NCKAP5: variants seen among roughly 807,000 people sequenced by gnomAD.
The protein encoded by NCKAP5 is nck-associated protein 5.
A neutral mutation model predicts 167.0 loss-of-function variants in NCKAP5; 92 were observed. The observed-to-expected ratio is 0.55, with a 90% CI of 0.47 to 0.66. The LOEUF (loss-of-function observed/expected upper bound fraction) is 0.66, where lower values mean the gene tolerates loss of function less well. Among genes scored for constraint, NCKAP5 ranks in the 30% least tolerant of loss-of-function variants. The pLI, the probability that NCKAP5 is intolerant of heterozygous loss-of-function variation, is 0.00. For synonymous variants in NCKAP5, 891 were observed against 877.4 expected, an observed-to-expected ratio of 1.02 and a Z score of -0.27; for missense variants, 2,378 against 2,315.0, an observed-to-expected ratio of 1.03 and a Z score of -0.56.
the NCKAP5 span, among the ~76,000 whole-genome samples, chr2:133,654,372 T>C: frequency 0.29 from 39,295 of 137,216 alleles, 8,142 homozygotes; most frequent in African/African-American, 0.58. Context: ...AGCGAGACTC[T>C]ATCTCAAATA....
chr2:132,772,342 T>C (rs1190669924), intron 16 of NCKAP5, among the ~76,000 whole-genome samples: 2 of 152,224 alleles, frequency 1.3e-5, no homozygotes, highest in Non-Finnish European at 2.9e-5. Context: ...TTTAATTTTA[T>C]CTTGCTTCAT....
intron 5 of NCKAP5, among the ~76,000 whole-genome samples, chr2:133,188,950 G>A (rs1156589171): frequency 6.6e-6 from 1 of 151,968 alleles, no homozygotes; most frequent in Non-Finnish European, 1.5e-5. Context: ...AGAACTGAAG[G>A]AGATAGAGAC....
intron 19 of NCKAP5, 52 bp downstream of exon 19, chr2:132,725,575 C>T (rs1049141649): frequency 9.6e-6 from 15 of 1,557,410 alleles, no homozygotes; most frequent in African/African-American, 4.1e-5. Context: ...GTATAATCAG[C>T]GGCTTCCCAG....
chr2:132,898,119 T>C (rs1574560458), intron 8 of NCKAP5, among the ~76,000 whole-genome samples: 1 of 152,376 alleles, frequency 6.6e-6, no homozygotes, highest in East Asian at 1.9e-4. Context: ...CAATGCTTTA[T>C]CAACTAAGTT....
Position 133,417,795 on chromosome 2 carries a change from T to C in NCKAP5, c.69+99663A>G, listed in dbSNP as rs147764153. 2.5e-3 allele frequency among the ~76,000 whole-genome samples: 388 copies of C among 152,216 alleles called. 1 individual carries two copies. The highest frequency in any genetic ancestry group is 8.9e-3 in the African/African-American group (369 of 41,520). On this transcript the variant is annotated intron_variant, in intron 3 of 19. Transcript: ENST00000409261. The stretch of plus-strand genomic sequence containing the variant: ...GAGGTGGGGTGGGTCAAGTAGGCCA[T>C]AATGGTGAAAAAGCTATTATGTCGT...
intron 6 of NCKAP5, among the ~76,000 whole-genome samples, chr2:133,089,645 A>G (rs2081107865): frequency 6.6e-6 from 1 of 152,228 alleles, no homozygotes; most frequent in Admixed American, 6.5e-5. Context: ...ACTATGGAAA[A>G]CATATCTTGT....
chr2:133,292,514 A>C (rs572765182), intron 4 of NCKAP5, among the ~76,000 whole-genome samples: 130 of 152,340 alleles, frequency 8.5e-4, no homozygotes, highest in African/African-American at 3.0e-3. Flanking sequence ...ATTTCAGATA[A>C]ATAAATCACA....
chr2:133,288,495 C>T (rs1679326893), intron 4 of NCKAP5, among the ~76,000 whole-genome samples: 1 of 152,080 alleles, frequency 6.6e-6, no homozygotes, highest in Non-Finnish European at 1.5e-5. Context: ...GAGACAGCGT[C>T]AGACAATGCA....
chr2:133,242,256 TTTC>T (rs1298925836), intron 4 of NCKAP5, among the ~76,000 whole-genome samples: 5 of 144,910 alleles, frequency 3.5e-5, no homozygotes, highest in Admixed American at 2.0e-4. Flanking sequence ...TTTCTTTTCT[TTTC>T]TTTTTTTTTT....
intron 11 of NCKAP5, among the ~76,000 whole-genome samples, chr2:132,836,748 C>G (rs956914979): frequency 6.6e-6 from 1 of 152,098 alleles, no homozygotes; most frequent in Non-Finnish European, 1.5e-5. Flanking sequence ...TTATGCCATA[C>G]TATAAAGCTT....
chr2:133,452,151 G>T (rs1467996361), intron 3 of NCKAP5, among the ~76,000 whole-genome samples: 2 of 152,176 alleles, frequency 1.3e-5, no homozygotes, highest in Non-Finnish European at 2.9e-5. Flanking sequence ...AAATAATAAT[G>T]CTTGGCCCCA....
intron 3 of NCKAP5, among the ~76,000 whole-genome samples, chr2:133,385,983 T>C (rs1187917352): frequency 6.6e-6 from 1 of 152,204 alleles, no homozygotes; most frequent in African/African-American, 2.4e-5. Context: ...TTTGTTGATC[T>C]TTTCAAAAAA....
At chr2:133,228,001 C>T (rs1199344574) in intron 4 of NCKAP5, among the ~76,000 whole-genome samples, 1 of 152,148 alleles carries the variant, frequency 6.6e-6, no homozygotes, top group Non-Finnish European at 1.5e-5. Context: ...TCCAACGATG[C>T]CCTAGTTGAG....
At chr2:133,565,873 C>T (rs566097308) in intron 1 of NCKAP5, among the ~76,000 whole-genome samples, 2 of 152,326 alleles carry the variant, frequency 1.3e-5, no homozygotes, top group Admixed American at 6.5e-5. Context: ...TAGCATAATA[C>T]ATTGAATAAC....
chr2:133,622,559 AC>A, the NCKAP5 span, among the ~76,000 whole-genome samples: 1 of 151,930 alleles, frequency 6.6e-6, no homozygotes, highest in East Asian at 1.9e-4. Flanking sequence ...AAAAACAAAA[AC>A]AAAAAGAAAA....
intron 11 of NCKAP5, among the ~76,000 whole-genome samples, chr2:132,829,172 A>T: frequency 6.6e-6 from 1 of 152,364 alleles, no homozygotes. Flanking sequence ...TAATACAATA[A>T]GTTTAAATAT....
At chr2:133,334,385 G>A (rs536809657) in intron 3 of NCKAP5, among the ~76,000 whole-genome samples, 78 of 152,268 alleles carry the variant, frequency 5.1e-4, no homozygotes, top group African/African-American at 1.6e-3. Flanking sequence ...CATGCCATGC[G>A]ACAGATGCTA....
chr2:132,963,681 A>T (rs368645581), intron 8 of NCKAP5, 39 bp downstream of exon 8: 2 of 1,596,398 alleles, frequency 1.3e-6, no homozygotes, highest in South Asian at 1.1e-5. Context: ...GAATACTGTT[A>T]TTTTTCTTGA....
rs537110627 is a variant in NCKAP5, at chr2:133,269,733, A to T, written c.143+33304T>A. On this transcript the variant is annotated intron_variant, in intron 4 of 19. Coordinates refer to ENST00000409261, the MANE Select transcript of NCKAP5 (RefSeq NM_207363.3). Reference sequence around the variant, plus strand: ...TGATCATCTGACTTTTGTTTAATAGATCACTCTGGCTCCCATGTTGAGAAT... The same window carrying T: ...TGATCATCTGACTTTTGTTTAATAGTTCACTCTGGCTCCCATGTTGAGAAT... Among the ~76,000 whole-genome samples the T allele has an allele frequency of 2.0e-5, 3 of 152,326 alleles. No homozygotes were observed. In the East Asian group the frequency reaches 5.8e-4, roughly 29 times the overall value.
Sources: gnomAD v4.1 joint callset for allele counts (sites outside exome capture counted in the v4.1 genomes callset) on GRCh38, gnomAD v4.1.1 for gene constraint, MANE v1.5 for transcripts, NCBI Gene and HGNC (gene_info 2026-07-23, HGNC 2026-07-21) for gene names.